RFC4: variants seen among roughly 807,000 people sequenced by gnomAD.
RFC4 encodes A1 37 kDa subunit.
In RFC4, 38 loss-of-function variants were observed where a neutral mutation model predicts 47.6. That is an observed-to-expected ratio of 0.80 (90% confidence interval 0.62 to 1.05). RFC4 has a LOEUF of 1.05. Among genes scored for constraint, RFC4 ranks in the 50% least tolerant of loss-of-function variants. The pLI is 0.00. For missense variants in RFC4, 489 were observed against 434.0 expected, an observed-to-expected ratio of 1.13 and a Z score of -1.13; for synonymous variants, 164 against 150.0, an observed-to-expected ratio of 1.09 and a Z score of -0.68.
intron 2 of RFC4, among the ~76,000 whole-genome samples, chr3:186,804,082 C>A (rs558916860): frequency 6.6e-6 from 1 of 152,100 alleles, no homozygotes; most frequent in East Asian, 2.0e-4. Context: ...ATTTGGGAGG[C>A]TGAGGCAGGA....
chr3:186,803,038 G>C (rs1722393418), intron 2 of RFC4, among the ~76,000 whole-genome samples: 1 of 152,056 alleles, frequency 6.6e-6, no homozygotes, highest in Non-Finnish European at 1.5e-5. Flanking sequence ...GAGGTTTATT[G>C]GTGCCAAACA....
At chr3:186,797,791 T>C (rs1215624046) in intron 3 of RFC4, among the ~76,000 whole-genome samples, 177 bp from the exon 4 acceptor site, 2 of 152,258 alleles carry the variant, frequency 1.3e-5, no homozygotes, top group African/African-American at 4.8e-5. Flanking sequence ...ATTTAAATCC[T>C]GCTTTTTCAT....
chr3:186,790,072 A>G lies in RFC4; in HGVS notation c.997-8T>C. On this transcript the variant is annotated splice_region_variant and splice_polypyrimidine_tract_variant and intron_variant, in intron 10 of 10. Transcript: ENST00000296273. ...TAGGCATTTGTCAACTTCCTACGAG[A>G]AAAATTTAAGAAATTAGCATCCTTC... 1 of 1,612,554 alleles carries G rather than the reference A, an allele frequency of 6.2e-7. No homozygotes were observed. Among genetic ancestry groups the G allele is most frequent in the Non-Finnish European group, 8.5e-7 (1 of 1,178,694 alleles).
Position 186,789,949 on chromosome 3 carries a change from C to G in RFC4, c.*20G>C, listed in dbSNP as rs756200457. ...TACAACTTCATTATTTACAAAACCC[C>G]CCATCCAGATATATTCACGTTAACA... On this transcript the variant is annotated 3_prime_UTR_variant, in exon 11 of 11. Transcript: ENST00000296273. 1.4e-6 allele frequency: 2 copies of G among 1,444,602 alleles called. No individual in the cohort carries two copies. The highest frequency in any genetic ancestry group is 1.9e-6 in the Non-Finnish European group (2 of 1,031,482). 89.5% of individuals were successfully genotyped at this position (1,444,602 alleles called of 1,614,324 possible). A position where few individuals can be genotyped will look rare whatever the true frequency, so the allele number is the denominator to read the frequency against.
Position 186,804,576 on chromosome 3 carries a change from T to C in RFC4, c.131+7A>G. On this transcript the variant is annotated splice_region_variant and intron_variant, in intron 2 of 10. Coordinates refer to ENST00000296273, the MANE Select transcript of RFC4 (RefSeq NM_002916.5). ...AATTATTTTAACAAAGACACAAGTG[T>C]TCTTACTATTTTTCCACCCAGGGAA... The C allele has an allele frequency of 3.7e-6, 6 of 1,613,442 alleles. No individual in the cohort carries two copies. The highest frequency in any genetic ancestry group is 5.1e-6 in the Non-Finnish European group (6 of 1,179,638).
chr3:186,799,990 G>C (rs1722319755), intron 3 of RFC4, among the ~76,000 whole-genome samples: 1 of 152,058 alleles, frequency 6.6e-6, no homozygotes. Context: ...GTCTCACTCT[G>C]TCACCCAGGC....
intron 2 of RFC4, among the ~76,000 whole-genome samples, chr3:186,802,369 T>TTCCA (rs1722377246): frequency 1.3e-5 from 2 of 152,004 alleles, no homozygotes; most frequent in Admixed American, 6.6e-5. Context: ...CAAAATAAGA[T>TTCCA]CATGAATCTT....
chr3:186,791,480 A>G (rs545780589), intron 8 of RFC4: 5 of 461,152 alleles, frequency 1.1e-5, no homozygotes, highest in Non-Finnish European at 2.0e-5. Flanking sequence ...AAAAAAAAAA[A>G]AACAAAAAAA....
intron 7 of RFC4, 79 bp from the exon 8 acceptor site, chr3:186,791,929 A>C (rs1722150106): frequency 1.6e-6 from 2 of 1,286,190 alleles, no homozygotes; most frequent in South Asian, 2.8e-5. Context: ...GTTTAATAAA[A>C]GTGAAAAACC....
rs1722251274 is a variant in RFC4, at chr3:186,796,729, C to T, written c.290+806G>A. 6.6e-6 allele frequency among the ~76,000 whole-genome samples: 1 copy of T among 152,210 alleles called. No homozygotes were observed. The highest frequency in any genetic ancestry group is 6.5e-5 in the Admixed American group (1 of 15,282). Reference sequence around the variant, plus strand: ...TCCTCACCCCAGGTGATCCACCTGCCTCGGCCTCCCAAAGTGCTGGGATTA... The same window carrying T: ...TCCTCACCCCAGGTGATCCACCTGCTTCGGCCTCCCAAAGTGCTGGGATTA... On this transcript the variant is annotated intron_variant, in intron 4 of 10. Transcript: ENST00000296273. The surrounding 1 kb of genome is among the most constrained non-coding windows in gnomAD (Gnocchi z 4.2).
chr3:186,796,732 G>A lies in RFC4; in HGVS notation c.290+803C>T, dbSNP rs569892582. 9.2e-5 allele frequency among the ~76,000 whole-genome samples: 14 copies of A among 152,168 alleles called. No homozygotes were observed. The highest frequency in any genetic ancestry group is 1.2e-4 in the Non-Finnish European group (8 of 68,008). On this transcript the variant is annotated intron_variant, in intron 4 of 10. Coordinates refer to ENST00000296273, the MANE Select transcript of RFC4 (RefSeq NM_002916.5). This position sits in a 1 kb window ranked among gnomAD's most constrained non-coding sequence, Gnocchi z 4.2. ...TCACCCCAGGTGATCCACCTGCCTC[G>A]GCCTCCCAAAGTGCTGGGATTACAG...
chr3:186,798,371 C>A (rs1001833433), intron 3 of RFC4, among the ~76,000 whole-genome samples: 6 of 152,106 alleles, frequency 3.9e-5, no homozygotes, highest in Admixed American at 2.6e-4. Flanking sequence ...TGATACTGTG[C>A]AATCTTCAGT....
chr3:186,792,954 C>G lies in RFC4; in HGVS notation c.411-7G>C, dbSNP rs753018971. On this transcript the variant is annotated splice_polypyrimidine_tract_variant and splice_region_variant and intron_variant, in intron 5 of 10. Coordinates refer to ENST00000296273, the MANE Select transcript of RFC4 (RefSeq NM_002916.5). ...AGGCGGACACGGCTTCCCACTGATT[C>G]AGAGAAACACATAAGAGTTGAACAT... 1.2e-6 allele frequency: 2 copies of G among 1,610,190 alleles called. No homozygotes were observed. The highest frequency in any genetic ancestry group is 1.1e-5 in the South Asian group (1 of 90,532).
At chr3:186,801,572 G>A (rs1312231511) in intron 2 of RFC4, 3 of 178,228 alleles carry the variant, frequency 1.7e-5, no homozygotes, top group South Asian at 1.1e-4. Flanking sequence ...TTAGCCAGGC[G>A]TGGTGGTGAG....
chr3:186,805,969 G>T (rs889694177), intron 1 of RFC4, among the ~76,000 whole-genome samples: 2 of 152,228 alleles, frequency 1.3e-5, no homozygotes, highest in African/African-American at 4.8e-5. Context: ...TTAAATAAAA[G>T]AATGTATGCA....
chr3:186,794,847 C>T, intron 4 of RFC4, 70 bp from the exon 5 acceptor site: 8 of 1,554,218 alleles, frequency 5.1e-6, no homozygotes, highest in Non-Finnish European at 7.0e-6. Flanking sequence ...AACATTTGCA[C>T]ACTTTGCAGA....
intron 7 of RFC4, 24 bp downstream of exon 7, chr3:186,792,466 A>G (rs557712685): frequency 1.3e-6 from 2 of 1,594,602 alleles, no homozygotes; most frequent in African/African-American, 1.3e-5. Context: ...AGTAACTCTA[A>G]TAATTGTAAT....
intron 1 of RFC4, among the ~76,000 whole-genome samples, chr3:186,805,297 T>C (rs558227456): frequency 6.6e-6 from 1 of 152,208 alleles, no homozygotes; most frequent in African/African-American, 2.4e-5. Flanking sequence ...CATGGTTCAC[T>C]GCAGCCTTGA....
At chr3:186,801,713 A>G (rs1227919677) in intron 2 of RFC4, among the ~76,000 whole-genome samples, 1 of 145,806 alleles carries the variant, frequency 6.9e-6, no homozygotes, top group Non-Finnish European at 1.5e-5. Flanking sequence ...TCTGTCTCAA[A>G]AAAAAAAAAA....
Sources: allele counts gnomAD v4.1 joint callset (sites outside exome capture counted in the v4.1 genomes callset), GRCh38; gene constraint gnomAD v4.1.1; non-coding constraint Gnocchi (gnomAD v3.1); transcripts MANE v1.5; gene names NCBI Gene and HGNC (gene_info 2026-07-23, HGNC 2026-07-21).